FARS2: variants seen among roughly 807,000 people sequenced by gnomAD.
FARS2 encodes phenylalanyl-tRNA synthetase 2, mitochondrial, also known as phenylalanine--tRNA ligase, mitochondrial.
A neutral mutation model predicts 46.4 loss-of-function variants in FARS2; 40 were observed. That is an observed-to-expected ratio of 0.86 (90% CI 0.67 to 1.12). The LOEUF (loss-of-function observed/expected upper bound fraction) is 1.12, where lower values mean the gene tolerates loss of function less well. Ranked by LOEUF, FARS2 falls within the 50% of genes most tolerant of loss-of-function variation. The pLI, the probability that FARS2 is intolerant of heterozygous loss-of-function variation, is 0.00. For synonymous variants in FARS2, 234 were observed against 214.9 expected, an observed-to-expected ratio of 1.09 and a Z score of -0.78; for missense variants, 513 against 567.9, an observed-to-expected ratio of 0.90 and a Z score of 0.98.
chr6:5,435,725 C>T (rs538272841), intron 4 of FARS2, among the ~76,000 whole-genome samples: 4 of 152,212 alleles, frequency 2.6e-5, no homozygotes, highest in Non-Finnish European at 4.4e-5. Flanking sequence ...AAAACCATCA[C>T]TGGGACAACT....
intron 5 of FARS2, among the ~76,000 whole-genome samples, chr6:5,607,285 ATGTGTGTGTGTGTGTG>A (rs200898031): frequency 0.25 from 18,465 of 74,796 alleles, 1,338 homozygotes; most frequent in South Asian, 0.36. Context: ...AATAATATGT[ATGTGTGTGTGTGTGTG>A]TGTGTGTGTG....
intron 6 of FARS2, among the ~76,000 whole-genome samples, chr6:5,739,845 A>G (rs1761215060): frequency 6.6e-6 from 1 of 152,190 alleles, no homozygotes; most frequent in Non-Finnish European, 1.5e-5. Flanking sequence ...CTGGGTCTAC[A>G]TCCAGACCCT....
At chr6:5,344,726 A>G (rs1397744216) in intron 1 of FARS2, among the ~76,000 whole-genome samples, 1 of 151,778 alleles carries the variant, frequency 6.6e-6, no homozygotes, top group Non-Finnish European at 1.5e-5. Flanking sequence ...TGGATTTCTG[A>G]TGCTTGCCAG....
chr6:5,720,067 C>T (rs777411553), intron 6 of FARS2, among the ~76,000 whole-genome samples: 4 of 151,376 alleles, frequency 2.6e-5, no homozygotes, highest in Non-Finnish European at 5.9e-5. Flanking sequence ...GTTTAGTATG[C>T]GGTGTAGCTA....
In FARS2 at chr6:5,548,009, C is replaced by T. The variant is rs1582418961; in HGVS notation, c.1065+2669C>T. ...TAATTGGACGTACAGTTCCACATGG[C>T]TGGGGAGGCCTCAGAATCATGGCGG... On this transcript the variant is annotated intron_variant, in intron 5 of 6. Coordinates refer to ENST00000274680, the MANE Select transcript of FARS2 (RefSeq NM_006567.5). 2.6e-5 allele frequency among the ~76,000 whole-genome samples: 4 copies of T among 152,330 alleles called. No homozygotes were observed. The East Asian group carries it at 5.8e-4, about 22-fold the overall frequency.
At chr6:5,276,093 A>G (rs1412416868) in intron 1 of FARS2, among the ~76,000 whole-genome samples, 1 of 152,170 alleles carries the variant, frequency 6.6e-6, no homozygotes, top group Non-Finnish European at 1.5e-5. Context: ...AAGTAGGCTC[A>G]ATGGGGGAGT....
chr6:5,254,880 A>C, the FARS2 span, among the ~76,000 whole-genome samples: 1 of 152,196 alleles, frequency 6.6e-6, no homozygotes, highest in Non-Finnish European at 1.5e-5. Flanking sequence ...TTTATTAACC[A>C]AAATTCCGGT....
intron 6 of FARS2, among the ~76,000 whole-genome samples, chr6:5,657,287 C>A (rs567630537): frequency 6.6e-6 from 1 of 152,128 alleles, no homozygotes; most frequent in Non-Finnish European, 1.5e-5. Context: ...AAGCTGGAAG[C>A]CTTTATCTAA....
intron 4 of FARS2, among the ~76,000 whole-genome samples, chr6:5,540,426 TC>T (rs1770551008): frequency 6.6e-6 from 1 of 152,252 alleles, no homozygotes; most frequent in African/African-American, 2.4e-5. Flanking sequence ...TTTTTCTTCT[TC>T]CGTACGCCTT....
At chr6:5,687,078 A>G (rs552265028) in intron 6 of FARS2, among the ~76,000 whole-genome samples, 1 of 152,164 alleles carries the variant, frequency 6.6e-6, no homozygotes, top group Admixed American at 6.5e-5. Context: ...GTTTGAGTTC[A>G]TTGTAGATTC....
intron 6 of FARS2, chr6:5,695,284 A>G (rs1215107775): frequency 1.3e-5 from 2 of 152,228 alleles, no homozygotes; most frequent in Non-Finnish European, 2.9e-5. Flanking sequence ...CCTGCTTCCT[A>G]GGAAGTTACA....
At chr6:5,618,143 A>G (rs1775570245) in intron 6 of FARS2, among the ~76,000 whole-genome samples, 2 of 152,186 alleles carry the variant, frequency 1.3e-5, no homozygotes, top group Non-Finnish European at 2.9e-5. Context: ...AGACAGTGGA[A>G]TGTGAATTTG....
At chr6:5,275,218 A>G (rs1450427500) in intron 1 of FARS2, among the ~76,000 whole-genome samples, 1 of 152,142 alleles carries the variant, frequency 6.6e-6, no homozygotes, top group Non-Finnish European at 1.5e-5. Context: ...ACTGAAGGAC[A>G]TTGGTATATG....
At chr6:5,365,057 A>G (rs1415676477) in intron 1 of FARS2, among the ~76,000 whole-genome samples, 1 of 151,810 alleles carries the variant, frequency 6.6e-6, no homozygotes, top group African/African-American at 2.4e-5. Flanking sequence ...TCAGAAACAA[A>G]AAAAAGCCAA....
chr6:5,609,516 T>C lies in FARS2; in HGVS notation c.1066-3653T>C, dbSNP rs62385463. 4,982 of 1,237,020 alleles carry C rather than the reference T, an allele frequency of 4.0e-3. 16 individuals carry two copies. The highest frequency in any genetic ancestry group is 5.3e-3 in the Non-Finnish European group (4,510 of 850,412). 76.6% of individuals were successfully genotyped at this position (1,237,020 alleles called of 1,614,324 possible). On this transcript the variant is annotated intron_variant, in intron 5 of 6. Coordinates refer to ENST00000274680, the MANE Select transcript of FARS2 (RefSeq NM_006567.5). ...ATCATGGCTGCCACCAAAGCCACCATGACCACTGAAGTTTCCTCCATGACC... is the reference window on the plus strand; with the variant it reads ...ATCATGGCTGCCACCAAAGCCACCACGACCACTGAAGTTTCCTCCATGACC...
intron 1 of FARS2, among the ~76,000 whole-genome samples, chr6:5,359,347 T>C (rs1758157752): frequency 6.6e-6 from 1 of 152,156 alleles, no homozygotes; most frequent in Non-Finnish European, 1.5e-5. Flanking sequence ...GGCCAAGATA[T>C]CTCTTCTTAA....
At chr6:5,669,064 T>C (rs1778308608) in intron 6 of FARS2, among the ~76,000 whole-genome samples, 1 of 152,200 alleles carries the variant, frequency 6.6e-6, no homozygotes, top group Non-Finnish European at 1.5e-5. Context: ...ATGATAATAG[T>C]GCACAGTGCT....
intron 3 of FARS2, among the ~76,000 whole-genome samples, chr6:5,405,565 T>C (rs746279457): frequency 3.3e-4 from 46 of 139,386 alleles, no homozygotes; most frequent in Middle Eastern, 8.3e-3. Flanking sequence ...TGATCTCAGC[T>C]CACTGCAAGC....
chr6:5,728,787 C>T (rs115427283), intron 6 of FARS2, among the ~76,000 whole-genome samples: 2,285 of 152,284 alleles, frequency 0.015, 75 homozygotes, highest in African/African-American at 0.053. Context: ...GGTACTCTCC[C>T]GATGTGAGCT....
Sources: allele counts gnomAD v4.1 joint callset (sites outside exome capture counted in the v4.1 genomes callset), GRCh38; gene constraint gnomAD v4.1.1; transcripts MANE v1.5; gene names NCBI Gene and HGNC (gene_info 2026-07-23, HGNC 2026-07-21).